PRDM16: variants seen among roughly 807,000 people sequenced by gnomAD.
PRDM16 encodes the protein histone-lysine N-methyltransferase PRDM16.
Under a neutral mutation model 110.6 loss-of-function variants are expected in PRDM16, and 23 were observed. That is an observed-to-expected ratio of 0.21 (90% CI 0.15 to 0.29). The LOEUF is 0.29. Among genes scored for constraint, PRDM16 ranks in the 10% least tolerant of loss-of-function variants. The pLI is 1.00. For synonymous variants in PRDM16, 799 were observed against 781.8 expected, an observed-to-expected ratio of 1.02 and a Z score of -0.37; for missense variants, 1,615 against 1,794.3, an observed-to-expected ratio of 0.90 and a Z score of 1.81.
chr1:3,284,292 CCT>C (rs1331487357), intron 3 of PRDM16, among the ~76,000 whole-genome samples: 2 of 152,234 alleles, frequency 1.3e-5, no homozygotes, highest in African/African-American at 2.4e-5. Context: ...GTTTTCGGCC[CCT>C]GTCTGGCTTT....
intron 1 of PRDM16, among the ~76,000 whole-genome samples, chr1:3,136,200 G>T (rs1021713619): frequency 6.6e-6 from 1 of 151,784 alleles, no homozygotes; most frequent in African/African-American, 2.4e-5. Flanking sequence ...CCGCTGATAG[G>T]GTTGGGGGCC....
At chr1:3,296,495 C>T (rs1253562583) in intron 3 of PRDM16, among the ~76,000 whole-genome samples, 1 of 152,254 alleles carries the variant, frequency 6.6e-6, no homozygotes, top group Admixed American at 6.5e-5. Context: ...AGAGGCTCCA[C>T]CAGCCCTAAC....
Position 3,411,922 on chromosome 1 carries a change from CGAG to C in PRDM16, c.1729_1731del (p.Glu577del), listed in dbSNP as rs779522289. Reference sequence around the variant, plus strand: ...AGGGCACGACGGCAGCTGCGGGGCCCGAGGAGAAGTTCGAGAGCCGCCTGGAGG... The same window carrying C: ...AGGGCACGACGGCAGCTGCGGGGCCCGAGAAGTTCGAGAGCCGCCTGGAGG... On this transcript the variant is annotated inframe_deletion, in exon 9 of 17. Coordinates refer to ENST00000270722, the MANE Select transcript of PRDM16 (RefSeq NM_022114.4). 45 of 1,613,716 alleles carry C rather than the reference CGAG, an allele frequency of 2.8e-5. No individual in the cohort carries two copies. The highest frequency in any genetic ancestry group is 5.0e-5 in the Admixed American group (3 of 60,026).
intron 3 of PRDM16, among the ~76,000 whole-genome samples, chr1:3,284,595 C>T (rs544055193): frequency 2.0e-5 from 3 of 152,240 alleles, no homozygotes; most frequent in South Asian, 2.1e-4. Context: ...GGGAAAGGGG[C>T]GGCCAGGGGG....
At chr1:3,147,157 G>C (rs1177960590) in intron 1 of PRDM16, among the ~76,000 whole-genome samples, 2 of 150,430 alleles carry the variant, frequency 1.3e-5, no homozygotes, top group Admixed American at 6.6e-5. Context: ...CTCGGTGTGA[G>C]GTGTGTGCAC....
chr1:3,257,511 A>G (rs1448719685), intron 3 of PRDM16, among the ~76,000 whole-genome samples: 1 of 152,192 alleles, frequency 6.6e-6, no homozygotes, highest in Non-Finnish European at 1.5e-5. Context: ...AAAAAAATAA[A>G]AGTCACATGT....
At chr1:3,189,402 G>A (rs558366265) in intron 2 of PRDM16, among the ~76,000 whole-genome samples, 4 of 152,140 alleles carry the variant, frequency 2.6e-5, no homozygotes, top group East Asian at 3.9e-4. Context: ...CCAGCGTCAC[G>A]CCAGGGGGAT....
chr1:3,362,388 C>T (rs1445072712), intron 3 of PRDM16, among the ~76,000 whole-genome samples: 1 of 152,160 alleles, frequency 6.6e-6, no homozygotes, highest in African/African-American at 2.4e-5. Context: ...CTCGGGCTCA[C>T]AACGGGCGGT....
At chr1:3,078,636 C>T (rs565496685) in intron 1 of PRDM16, among the ~76,000 whole-genome samples, 31 of 152,338 alleles carry the variant, frequency 2.0e-4, no homozygotes, top group South Asian at 1.2e-3. Context: ...CTTTTTAATT[C>T]GGTAGTTCAA....
chr1:3,077,923 G>C (rs1641935644), intron 1 of PRDM16, among the ~76,000 whole-genome samples: 1 of 152,212 alleles, frequency 6.6e-6, no homozygotes, highest in South Asian at 2.1e-4. Flanking sequence ...ATGATTGTTA[G>C]CTGCTCATTT....
chr1:3,432,956 G>A (rs1277658445), intron 16 of PRDM16, among the ~76,000 whole-genome samples: 1 of 152,196 alleles, frequency 6.6e-6, no homozygotes, highest in Non-Finnish European at 1.5e-5. Flanking sequence ...CATTGGCCCA[G>A]AAACGCTGCA....
chr1:3,293,960 T>G (rs1285216237), intron 3 of PRDM16, among the ~76,000 whole-genome samples: 2 of 152,192 alleles, frequency 1.3e-5, no homozygotes, highest in African/African-American at 4.8e-5. Flanking sequence ...TGTGTGCATC[T>G]GTGAACATAT....
intron 1 of PRDM16, among the ~76,000 whole-genome samples, chr1:3,129,020 C>G (rs1364712382): frequency 6.6e-6 from 1 of 152,156 alleles, no homozygotes; most frequent in Non-Finnish European, 1.5e-5. Flanking sequence ...CGCTGCTCCC[C>G]TAGCAGGAAA....
intron 2 of PRDM16, among the ~76,000 whole-genome samples, chr1:3,230,868 T>G (rs939151134): frequency 1.1e-4 from 17 of 152,146 alleles, no homozygotes; most frequent in African/African-American, 4.1e-4. Context: ...TGCTTGGGGT[T>G]TTGCCTTGGC....
At chr1:3,136,085 G>A (rs536519335) in intron 1 of PRDM16, among the ~76,000 whole-genome samples, 2 of 152,218 alleles carry the variant, frequency 1.3e-5, no homozygotes, top group East Asian at 1.9e-4. Context: ...GGGGCAGAAC[G>A]CTCCTCCAGC....
chr1:3,277,793 A>G (rs1055311372), intron 3 of PRDM16, among the ~76,000 whole-genome samples: 1 of 152,026 alleles, frequency 6.6e-6, no homozygotes, highest in Non-Finnish European at 1.5e-5. Context: ...ATATGCACAC[A>G]CAAACGCACA....
At chr1:3,307,356 G>A (rs1353396330) in intron 3 of PRDM16, 1 of 152,148 alleles carries the variant, frequency 6.6e-6, no homozygotes, top group East Asian at 1.9e-4. Flanking sequence ...TCCTAGCTGT[G>A]TTTTGGTCTC....
At chr1:3,383,910 C>T (rs947621506) in intron 3 of PRDM16, among the ~76,000 whole-genome samples, 1 of 151,708 alleles carries the variant, frequency 6.6e-6, no homozygotes, top group African/African-American at 2.4e-5. Context: ...GACACACCTG[C>T]AGAAGGACAC....
chr1:3,113,907 TTC>T (rs757297567), intron 1 of PRDM16, among the ~76,000 whole-genome samples: 3 of 152,238 alleles, frequency 2.0e-5, no homozygotes, highest in Non-Finnish European at 4.4e-5. Context: ...TGAGAATATT[TTC>T]TGTTTCATTT....
Sources: gnomAD v4.1 joint callset for allele counts (sites outside exome capture counted in the v4.1 genomes callset) on GRCh38, gnomAD v4.1.1 for gene constraint, MANE v1.5 for transcripts, NCBI Gene and HGNC (gene_info 2026-07-23, HGNC 2026-07-21) for gene names.